The following RPS6KA2 variants were observed in gnomAD, a reference collection of about 807,000 sequenced individuals.
RPS6KA2 encodes ribosomal protein S6 kinase A2.
In RPS6KA2, 42 loss-of-function variants were observed where a neutral mutation model predicts 91.8. That is an observed-to-expected ratio of 0.46 (90% CI 0.36 to 0.59). The LOEUF (loss-of-function observed/expected upper bound fraction) is 0.59, where lower values mean the gene tolerates loss of function less well. RPS6KA2 is among the 20% of genes least tolerant of loss of function. The pLI, the probability that RPS6KA2 is intolerant of heterozygous loss-of-function variation, is 0.00. For missense variants in RPS6KA2, 798 were observed against 978.5 expected (o/e 0.82, Z 2.46); for synonymous variants, 414 against 393.6 (o/e 1.05, Z -0.61).
At position 166,445,282 on chromosome 6, in the gene RPS6KA2, G is replaced by A. The variant is rs1006469526; in HGVS notation, c.1332+3442C>T. ...GTGGGGAACACTGAGCTGTTGGTCG[G>A]TCATCATCCTGTTGCTAAAGGACTC... On this transcript the variant is annotated intron_variant, in intron 14 of 20. Coordinates refer to ENST00000265678, the MANE Select transcript of RPS6KA2 (RefSeq NM_021135.6). The surrounding 1 kb of genome is among the most constrained non-coding windows in gnomAD (Gnocchi z 4.5). Among the ~76,000 whole-genome samples, 7 of 152,108 alleles carry A rather than the reference G, an allele frequency of 4.6e-5. No individual in the cohort carries two copies. The highest frequency in any genetic ancestry group is 7.3e-5 in the Non-Finnish European group (5 of 68,028).
chr6:166,846,725 C>T (rs943669224), intron 2 of RPS6KA2, among the ~76,000 whole-genome samples: 1 of 152,170 alleles, frequency 6.6e-6, no homozygotes, highest in East Asian at 1.9e-4. Flanking sequence ...TAATAAAAGC[C>T]ATCTGTGCCA....
At chr6:166,839,992 C>CATATAT (rs71032878) in intron 2 of RPS6KA2, among the ~76,000 whole-genome samples, 5 of 151,124 alleles carry the variant, frequency 3.3e-5, no homozygotes, top group South Asian at 2.1e-4. Flanking sequence ...AGTATTATTC[C>CATATAT]ATATATATAT....
chr6:166,528,315 G>C (rs1583243489), intron 3 of RPS6KA2, among the ~76,000 whole-genome samples: 2 of 152,192 alleles, frequency 1.3e-5, no homozygotes, highest in Admixed American at 6.5e-5. Context: ...ACAAGAAATG[G>C]GGAAAGGATT....
At chr6:166,663,587 A>C (rs1788222592) in intron 2 of RPS6KA2, among the ~76,000 whole-genome samples, 1 of 152,158 alleles carries the variant, frequency 6.6e-6, no homozygotes, top group Non-Finnish European at 1.5e-5. Context: ...GGAATACCTT[A>C]TTTTCCCCAA....
chr6:166,537,997 T>C (rs539638041), intron 2 of RPS6KA2, among the ~76,000 whole-genome samples: 2 of 152,384 alleles, frequency 1.3e-5, no homozygotes, highest in Admixed American at 6.5e-5. Flanking sequence ...CTATTTCTCA[T>C]TTCCTGAAAG....
chr6:166,416,457 C>T (rs1439789528), intron 19 of RPS6KA2, among the ~76,000 whole-genome samples: 1 of 150,090 alleles, frequency 6.7e-6, no homozygotes, highest in Non-Finnish European at 1.5e-5. Flanking sequence ...CATCATCTCT[C>T]ACTATCATCT....
At chr6:166,607,140 C>CA (rs35281961) in intron 1 of RPS6KA2, among the ~76,000 whole-genome samples, 51,927 of 97,702 alleles carry the variant, frequency 0.53, 12,544 homozygotes, top group East Asian at 0.77. Flanking sequence ...AAAACTCCGT[C>CA]AAAAAAAAAA....
chr6:166,493,574 GGAT>G lies in RPS6KA2; in HGVS notation c.748-2836_748-2834del, dbSNP rs1358333945. Among the ~76,000 whole-genome samples the G allele has an allele frequency of 6.6e-6, 1 of 152,038 alleles. No homozygotes were observed. The highest frequency in any genetic ancestry group is 1.5e-5 in the Non-Finnish European group (1 of 68,012). Reference sequence around the variant, plus strand: ...ACCGGGGGAGGGAGGGCACTCCAAAGGATTCTTTCCCAATCGGCACCGAGACCA... The same window carrying G: ...ACCGGGGGAGGGAGGGCACTCCAAAGTCTTTCCCAATCGGCACCGAGACCA... On this transcript the variant is annotated intron_variant, in intron 8 of 20. Transcript: ENST00000265678. This position sits in a 1 kb window ranked among gnomAD's most constrained non-coding sequence, Gnocchi z 4.7.
In RPS6KA2 at chr6:166,508,078, C is replaced by T; in HGVS notation, c.459+125G>A. 1 of 639,542 alleles carries T rather than the reference C, an allele frequency of 1.6e-6. No individual in the cohort carries two copies. 39.6% of individuals were successfully genotyped at this position (639,542 alleles called of 1,614,324 possible). Reference sequence around the variant, plus strand: ...TTGCACACACTCACACATGCACACACCCCCACACACACACACGCACTCTCG... The same window carrying T: ...TTGCACACACTCACACATGCACACATCCCCACACACACACACGCACTCTCG... On this transcript the variant is annotated intron_variant, in intron 5 of 20. Coordinates refer to ENST00000265678, the MANE Select transcript of RPS6KA2 (RefSeq NM_021135.6). This position sits in a 1 kb window ranked among gnomAD's most constrained non-coding sequence, Gnocchi z 4.3.
rs1410171962 is a variant in RPS6KA2, at chr6:166,612,670, T to C, written c.99+14251A>G. Among the ~76,000 whole-genome samples, 2 of 152,132 alleles carry C rather than the reference T, an allele frequency of 1.3e-5. No individual in the cohort carries two copies. Among genetic ancestry groups the C allele is most frequent in the African/African-American group, 4.8e-5 (2 of 41,432 alleles). On this transcript the variant is annotated intron_variant, in intron 1 of 20. Coordinates refer to ENST00000265678, the MANE Select transcript of RPS6KA2 (RefSeq NM_021135.6). This position sits in a 1 kb window ranked among gnomAD's most constrained non-coding sequence, Gnocchi z 4.3. ...CTCCATTTATCACTCTGTCCGGGCG[T>C]CTGTTGTTACCCATGCTCGGGTAGG...
At chr6:166,831,460 CT>C (rs1780180633) in intron 2 of RPS6KA2, among the ~76,000 whole-genome samples, 1 of 152,046 alleles carries the variant, frequency 6.6e-6, no homozygotes, top group Non-Finnish European at 1.5e-5. Context: ...CCCCCTGCCC[CT>C]GCCAGACAGA....
At position 166,777,175 on chromosome 6, in the gene RPS6KA2, G is replaced by A. The variant is rs533734055; in HGVS notation, c.123+81025C>T. ...AGCGCAAAGCCTGGACGAAAGCCCC[G>A]ACCAGCTGAGAAGAGGACGGGAGAC... On this transcript the variant is annotated intron_variant, in intron 2 of 21. Coordinates refer to the RPS6KA2 transcript ENST00000503859. 5.3e-5 allele frequency among the ~76,000 whole-genome samples: 8 copies of A among 152,310 alleles called. No homozygotes were observed. In the South Asian group the frequency reaches 1.0e-3, roughly 20 times the overall value.
At chr6:166,730,878 C>T (rs1209748055) in intron 2 of RPS6KA2, among the ~76,000 whole-genome samples, 3 of 152,010 alleles carry the variant, frequency 2.0e-5, no homozygotes, top group South Asian at 4.1e-4. Context: ...GGTAGTCATC[C>T]GGTTGAGGTG....
intron 12 of RPS6KA2, among the ~76,000 whole-genome samples, chr6:166,458,040 C>G (rs1767066818): frequency 6.6e-6 from 1 of 152,174 alleles, no homozygotes; most frequent in African/African-American, 2.4e-5. Context: ...TTGTACATAA[C>G]CAGCATACTG....
At chr6:166,680,576 G>A (rs989092072) in intron 2 of RPS6KA2, among the ~76,000 whole-genome samples, 2 of 152,162 alleles carry the variant, frequency 1.3e-5, no homozygotes, top group Non-Finnish European at 2.9e-5. Context: ...CACTCCTGAA[G>A]CCAGTGACAG....
At chr6:166,463,116 AAAGGC>A (rs1780384733) in intron 11 of RPS6KA2, 1 of 152,282 alleles carries the variant, frequency 6.6e-6, no homozygotes, top group African/African-American at 2.4e-5. Context: ...CTGCAATCTT[AAAGGC>A]CGGTCAATGT....
At chr6:166,526,109 G>T (rs1583240925) in intron 3 of RPS6KA2, among the ~76,000 whole-genome samples, 2 of 90,396 alleles carry the variant, frequency 2.2e-5, no homozygotes, top group Non-Finnish European at 5.2e-5. Context: ...GTTAGATCCA[G>T]GGACCTAACC....
intron 2 of RPS6KA2, among the ~76,000 whole-genome samples, chr6:166,788,627 G>T (rs747641216): frequency 2.2e-4 from 34 of 152,138 alleles, no homozygotes; most frequent in Non-Finnish European, 4.7e-4. Flanking sequence ...ATAAGTGGGA[G>T]CTGAACAATG....
At chr6:166,654,058 G>C (rs916230814) in intron 2 of RPS6KA2, among the ~76,000 whole-genome samples, 11 of 152,318 alleles carry the variant, frequency 7.2e-5, no homozygotes, top group Non-Finnish European at 1.5e-4. Context: ...AGATGTGATA[G>C]CACACTGTAT....
Sources: allele counts gnomAD v4.1 joint callset (sites outside exome capture counted in the v4.1 genomes callset), GRCh38; gene constraint gnomAD v4.1.1; non-coding constraint Gnocchi (gnomAD v3.1); transcripts MANE v1.5; gene names NCBI Gene and HGNC (gene_info 2026-07-23, HGNC 2026-07-21).